The following EYA1 variants were observed in gnomAD, a reference collection of about 807,000 sequenced individuals.
The protein encoded by EYA1 is EYA transcriptional coactivator and phosphatase 1, also known as protein phosphatase EYA1.
EYA1 carries 16 observed loss-of-function variants against 82.0 expected under a neutral mutation model. The ratio of observed to expected loss-of-function variants is 0.20; its 90% CI spans 0.13 to 0.30. EYA1 has a LOEUF of 0.30. EYA1 is among the 10% of genes least tolerant of loss of function. The probability of loss-of-function intolerance (pLI) is 1.00; values close to 1 mark genes in which losing one functional copy is unlikely to be tolerated. For synonymous variants in EYA1, 261 were observed against 264.4 expected (o/e 0.99, Z 0.12); for missense variants, 633 against 730.7 (o/e 0.87, Z 1.54).
intron 12 of EYA1, among the ~76,000 whole-genome samples, chr8:71,219,999 G>C (rs1563640209): frequency 6.6e-6 from 1 of 152,164 alleles, no homozygotes; most frequent in Non-Finnish European, 1.5e-5. Flanking sequence ...AGGGTGCAGG[G>C]CCTGATTTCA....
chr8:71,233,469 CAGG>C (rs902346196), intron 12 of EYA1, among the ~76,000 whole-genome samples: 2 of 149,642 alleles, frequency 1.3e-5, no homozygotes, highest in Non-Finnish European at 2.9e-5. Flanking sequence ...GAGGCTGAGG[CAGG>C]AGAATGGCAT....
chr8:71,333,382 C>T (rs1477617189), intron 4 of EYA1, among the ~76,000 whole-genome samples: 2 of 151,836 alleles, frequency 1.3e-5, no homozygotes, highest in Admixed American at 6.6e-5. Flanking sequence ...TAGAGAGGTG[C>T]TAAAATTATA....
chr8:71,367,468 G>A (rs1422334080), intron 2 of EYA1, among the ~76,000 whole-genome samples: 1 of 151,492 alleles, frequency 6.6e-6, no homozygotes, highest in Non-Finnish European at 1.5e-5. Flanking sequence ...CTGGGGAAAG[G>A]GAACCCCCAA....
At chr8:71,259,537 A>C (rs1814848298) in intron 11 of EYA1, among the ~76,000 whole-genome samples, 1 of 152,218 alleles carries the variant, frequency 6.6e-6, no homozygotes, top group Non-Finnish European at 1.5e-5. Context: ...AAATGATCAG[A>C]AAGAGGCAAG....
chr8:71,541,181 A>C (rs185055218), intron 1 of EYA1, among the ~76,000 whole-genome samples: 54 of 152,368 alleles, frequency 3.5e-4, no homozygotes, highest in Admixed American at 5.9e-4. Flanking sequence ...TCAGTCTTTC[A>C]AACAGTGAAA....
intron 9 of EYA1, among the ~76,000 whole-genome samples, chr8:71,287,189 A>C (rs921728721): frequency 1.3e-5 from 2 of 152,168 alleles, no homozygotes; most frequent in Non-Finnish European, 2.9e-5. Context: ...TTAGATTCTC[A>C]GTGACTATTA....
intron 2 of EYA1, among the ~76,000 whole-genome samples, chr8:71,448,323 G>C (rs888346002): frequency 2.0e-5 from 3 of 152,110 alleles, no homozygotes; most frequent in Non-Finnish European, 4.4e-5. Context: ...AATAAGAGTG[G>C]ATTCCCTCTC....
At chr8:71,201,332 G>A (rs1806983858) in intron 17 of EYA1, among the ~76,000 whole-genome samples, 1 of 151,572 alleles carries the variant, frequency 6.6e-6, no homozygotes, top group Non-Finnish European at 1.5e-5. Context: ...TACCAGGTGT[G>A]ACTCTGAAGC....
chr8:71,348,076 T>C (rs1825931243), intron 3 of EYA1, among the ~76,000 whole-genome samples: 2 of 152,322 alleles, frequency 1.3e-5, no homozygotes, highest in Admixed American at 6.5e-5. Flanking sequence ...ATATGACAGA[T>C]AATTTTTTCC....
chr8:71,481,080 C>A (rs1283817996), intron 2 of EYA1, among the ~76,000 whole-genome samples: 1 of 151,944 alleles, frequency 6.6e-6, no homozygotes, highest in Non-Finnish European at 1.5e-5. Flanking sequence ...TATTTCAAGG[C>A]ATTAAGCATA....
chr8:71,213,117 C>T (rs948090235), intron 16 of EYA1, among the ~76,000 whole-genome samples: 2 of 151,830 alleles, frequency 1.3e-5, no homozygotes, highest in Non-Finnish European at 2.9e-5. Flanking sequence ...CCCACATATA[C>T]CTTATTTGAT....
chr8:71,541,639 T>C (rs981133654), intron 1 of EYA1, among the ~76,000 whole-genome samples: 1 of 152,218 alleles, frequency 6.6e-6, no homozygotes, highest in Non-Finnish European at 1.5e-5. Context: ...TTGATTATGA[T>C]TGATGGCACA....
intron 2 of EYA1, among the ~76,000 whole-genome samples, chr8:71,437,680 A>G (rs1464693266): frequency 6.6e-6 from 1 of 152,126 alleles, no homozygotes; most frequent in African/African-American, 2.4e-5. Flanking sequence ...ACAAAAGCCC[A>G]ACAAATTTTA....
rs9298167 is a variant in EYA1 at position 71,277,115 on chromosome 8, A to ATTTTTTT, written c.827-5225_827-5219dup. Among the ~76,000 whole-genome samples the ATTTTTTT allele has an allele frequency of 4.5e-3, 345 of 76,952 alleles. 4 individuals carry two copies. The highest frequency in any genetic ancestry group is 5.7e-3 in the Non-Finnish European group (248 of 43,440). 50.5% of individuals were successfully genotyped at this position (76,952 alleles called of 152,430 possible). A position where few individuals can be genotyped will look rare whatever the true frequency, so the allele number is the denominator to read the frequency against. ...GCCATGCTATTTCATGGCTTCACAC[A>ATTTTTTT]TTTTTTTTTTTTTTTTTTTTTTTTT... On this transcript the variant is annotated intron_variant, in intron 9 of 17. Coordinates refer to ENST00000340726, the MANE Select transcript of EYA1 (RefSeq NM_000503.6).
intron 14 of EYA1, among the ~76,000 whole-genome samples, chr8:71,216,237 C>G (rs1809174410): frequency 6.6e-6 from 1 of 152,172 alleles, no homozygotes; most frequent in South Asian, 2.1e-4. Context: ...TGCTGGAAAC[C>G]AACCTCACCC....
At chr8:71,319,298 T>G (rs1157066381) in intron 6 of EYA1, among the ~76,000 whole-genome samples, 1 of 151,164 alleles carries the variant, frequency 6.6e-6, no homozygotes, top group Non-Finnish European at 1.5e-5. Context: ...GCCTGGCTAA[T>G]TTTTTGTATT....
chr8:71,446,033 A>C (rs1806847220), intron 2 of EYA1, among the ~76,000 whole-genome samples: 1 of 152,202 alleles, frequency 6.6e-6, no homozygotes, highest in East Asian at 1.9e-4. Flanking sequence ...GGACTTGGTA[A>C]ATATATATAT....
chr8:71,518,601 A>C (rs377585632), intron 2 of EYA1, among the ~76,000 whole-genome samples: 49 of 152,318 alleles, frequency 3.2e-4, no homozygotes, highest in East Asian at 2.5e-3. Flanking sequence ...TGGCATAAAA[A>C]TTAAAGATGA....
intron 16 of EYA1, 58 bp from the exon 17 acceptor site, chr8:71,211,314 T>A: frequency 3.6e-6 from 4 of 1,109,626 alleles, no homozygotes; most frequent in Non-Finnish European, 5.5e-6. Flanking sequence ...AATGTGACAG[T>A]GCTTGAACTT....
Sources: gnomAD v4.1 joint callset for allele counts (sites outside exome capture counted in the v4.1 genomes callset) on GRCh38, gnomAD v4.1.1 for gene constraint, MANE v1.5 for transcripts, NCBI Gene and HGNC (gene_info 2026-07-23, HGNC 2026-07-21) for gene names.